Variants in ADAMTS5 observed in about 807,000 individuals in gnomAD.
The protein encoded by ADAMTS5 is ADAM metallopeptidase with thrombospondin type 1 motif 5.
ADAMTS5 carries 54 observed loss-of-function variants against 81.4 expected under a neutral mutation model. That is an observed-to-expected ratio of 0.66 (90% CI 0.53 to 0.83). ADAMTS5 has a LOEUF of 0.83. Among genes scored for constraint, ADAMTS5 ranks in the 40% least tolerant of loss-of-function variants. The probability of loss-of-function intolerance (pLI) is 0.00; values close to 1 mark genes in which losing one functional copy is unlikely to be tolerated. For missense variants in ADAMTS5, 1,194 were observed against 1,229.9 expected (o/e 0.97, Z 0.44); for synonymous variants, 532 against 508.8 (o/e 1.05, Z -0.61).
intron 1 of ADAMTS5, among the ~76,000 whole-genome samples, chr21:26,961,061 C>A (rs925899738): frequency 6.6e-6 from 1 of 152,174 alleles, no homozygotes. Context: ...ATCTCTGAAT[C>A]CCTCCTTGCC....
At position 26,929,951 on chromosome 21, in the gene ADAMTS5, C is replaced by T; in HGVS notation, c.2160G>A (p.Lys720=). The T allele has an allele frequency of 6.2e-7, 1 of 1,614,184 alleles. No individual in the cohort carries two copies. Among genetic ancestry groups the T allele is most frequent in the Non-Finnish European group, 8.5e-7 (1 of 1,180,006 alleles). ...AGTTGTCTCCTCCACATACTCCGCA[C>T]TTGTCATACTGCAGCTTTGAGCCAA... The part of the protein sequence containing the change: ...GIIGSKLQYD[K]CGVCGGDNSS... The change falls in exon 7 of 8, where the codon AAG becomes AAA. Residue 720 remains lysine (K), a synonymous_variant. Transcript: ENST00000284987.
At chr21:26,953,453 C>T (rs968647482) in intron 2 of ADAMTS5, among the ~76,000 whole-genome samples, 1 of 152,158 alleles carries the variant, frequency 6.6e-6, no homozygotes, top group African/African-American at 2.4e-5. Context: ...TTCTGTTTTA[C>T]TGCGGCAATA....
At chr21:26,940,541 C>T (rs1421694231) in intron 3 of ADAMTS5, among the ~76,000 whole-genome samples, 1 of 152,028 alleles carries the variant, frequency 6.6e-6, no homozygotes, top group Admixed American at 6.6e-5. Flanking sequence ...TTCTTGTTCT[C>T]AGATTACCTG....
At position 26,919,935 on chromosome 21, in the gene ADAMTS5, C is replaced by A. The variant is rs1986659029; in HGVS notation, c.*4118G>T. 1 of 151,966 alleles carries A rather than the reference C, an allele frequency of 6.6e-6. No homozygotes were observed. Among genetic ancestry groups the A allele is most frequent in the African/African-American group, 2.4e-5 (1 of 41,366 alleles). The allele number at this position is 151,966 out of a possible 1,614,324, so 9.4% of individuals were successfully genotyped here. A position where few individuals can be genotyped will look rare whatever the true frequency, so the allele number is the denominator to read the frequency against. On this transcript the variant is annotated 3_prime_UTR_variant, in exon 8 of 8. Coordinates refer to ENST00000284987, the MANE Select transcript of ADAMTS5 (RefSeq NM_007038.5). Reference sequence around the variant, plus strand: ...TGGTTCTATTAAAGCTTTAAATGACCATTTCTGTACACATGGCTATTTCAT... The same window carrying A: ...TGGTTCTATTAAAGCTTTAAATGACAATTTCTGTACACATGGCTATTTCAT...
intron 6 of ADAMTS5, among the ~76,000 whole-genome samples, chr21:26,930,975 T>C (rs1382740983): frequency 6.6e-6 from 1 of 152,198 alleles, no homozygotes; most frequent in Non-Finnish European, 1.5e-5. Flanking sequence ...AAACATGAGC[T>C]TTAAAAAATT....
chr21:26,960,687 C>T (rs162502), intron 1 of ADAMTS5, among the ~76,000 whole-genome samples: 31,687 of 152,164 alleles, frequency 0.21, 4,294 homozygotes, highest in East Asian at 0.52. Flanking sequence ...AGACATACTT[C>T]GGTGGTTAAA....
intron 3 of ADAMTS5, among the ~76,000 whole-genome samples, chr21:26,938,372 G>A (rs1987053870): frequency 6.6e-6 from 1 of 152,112 alleles, no homozygotes; most frequent in African/African-American, 2.4e-5. Context: ...GTTGTGATTT[G>A]AGGCGAACCA....
intron 3 of ADAMTS5, among the ~76,000 whole-genome samples, chr21:26,940,401 T>A (rs531404521): frequency 3.7e-4 from 56 of 152,314 alleles, no homozygotes; most frequent in African/African-American, 1.3e-3. Context: ...CATGCTGAAA[T>A]ATAGCACTAA....
chr21:26,943,432 G>T lies in ADAMTS5; in HGVS notation c.1353C>A (p.Pro451=), dbSNP rs765064681. The change falls in exon 3 of 8, where the codon CCC becomes CCA. Residue 451 remains proline (P), a synonymous_variant. Transcript: ENST00000284987. The part of the protein sequence containing the change: ...SILTSIDASK[P]WSKCTSATIT... ...TGGTGGCTGAAGTGCATTTGGACCA[G>T]GGCTTAGATGCATCAATGCTGGTAA... 9 of 1,613,518 alleles carry T rather than the reference G, an allele frequency of 5.6e-6. No individual in the cohort carries two copies. The African/African-American group carries it at 1.1e-4, about 19-fold the overall frequency.
Position 26,923,772 on chromosome 21 carries a change from C to T in ADAMTS5, c.*281G>A. 2.9e-6 allele frequency: 1 copy of T among 344,234 alleles called. No homozygotes were observed. The highest frequency in any genetic ancestry group is 5.4e-6 in the Non-Finnish European group (1 of 186,758). The allele number at this position is 344,234 out of a possible 1,614,324, so 21.3% of individuals were successfully genotyped here. On this transcript the variant is annotated 3_prime_UTR_variant, in exon 8 of 8. Coordinates refer to ENST00000284987, the MANE Select transcript of ADAMTS5 (RefSeq NM_007038.5). ...GACAAGGGGGAGACAGTTCTGCCAT[C>T]TTCAAATGTCCCCTGATTTTACATT...
At chr21:26,938,475 G>C (rs1171924442) in intron 3 of ADAMTS5, among the ~76,000 whole-genome samples, 1 of 152,182 alleles carries the variant, frequency 6.6e-6, no homozygotes, top group Non-Finnish European at 1.5e-5. Flanking sequence ...AGTTTCATAT[G>C]TCTGACTTAT....
chr21:26,945,739 A>G (rs1287411134), intron 2 of ADAMTS5, among the ~76,000 whole-genome samples: 1 of 152,212 alleles, frequency 6.6e-6, no homozygotes, highest in Non-Finnish European at 1.5e-5. Flanking sequence ...TTGGAATACT[A>G]GTTAATATAA....
At chr21:26,965,011 AC>A (rs987962019) in intron 1 of ADAMTS5, among the ~76,000 whole-genome samples, 3 of 152,200 alleles carry the variant, frequency 2.0e-5, no homozygotes, top group African/African-American at 7.2e-5. Context: ...TCTTATGTTT[AC>A]GTTCCTATGC....
intron 1 of ADAMTS5, among the ~76,000 whole-genome samples, chr21:26,956,932 A>T (rs539766917): frequency 6.6e-6 from 1 of 152,292 alleles, no homozygotes; most frequent in East Asian, 1.9e-4. Context: ...TTGCCACGGA[A>T]ATGTGACAAA....
rs947891810 is a variant in ADAMTS5 at position 26,920,200 on chromosome 21, T to C, written c.*3853A>G. ...CCTCACCTGAACCATTAAAATGACC[T>C]TGTTAACAAGGAAGGAATCAATGGG... On this transcript the variant is annotated 3_prime_UTR_variant, in exon 8 of 8. Transcript: ENST00000284987. 4 of 152,100 alleles carry C rather than the reference T, an allele frequency of 2.6e-5. No homozygotes were observed. Among genetic ancestry groups the C allele is most frequent in the African/African-American group, 9.7e-5 (4 of 41,434 alleles). The allele number at this position is 152,100 out of a possible 1,614,324, so 9.4% of individuals were successfully genotyped here.
chr21:26,936,184 A>G (rs1987010435), intron 3 of ADAMTS5, among the ~76,000 whole-genome samples: 1 of 152,182 alleles, frequency 6.6e-6, no homozygotes. Flanking sequence ...TAAGTGGTAG[A>G]TATTGAGCTT....
chr21:26,917,959 A>G lies in ADAMTS5; in HGVS notation c.*6094T>C, dbSNP rs1986613401. 6.6e-6 allele frequency: 1 copy of G among 152,030 alleles called. No homozygotes were observed. The highest frequency in any genetic ancestry group is 2.1e-4 in the South Asian group (1 of 4,832). 9.4% of individuals were successfully genotyped at this position (152,030 alleles called of 1,614,324 possible). ...TATATTTATTATGCCCACTGAACCC[A>G]CAAAAGCAGTGTTTAATTTTACAGT... On this transcript the variant is annotated 3_prime_UTR_variant, in exon 8 of 8. Transcript: ENST00000284987.
chr21:26,959,022 A>G (rs1987478176), intron 1 of ADAMTS5, among the ~76,000 whole-genome samples: 1 of 152,186 alleles, frequency 6.6e-6, no homozygotes, highest in South Asian at 2.1e-4. Flanking sequence ...TGTTGAGCAG[A>G]GGGCTAGCAG....
chr21:26,943,452 T>C lies in ADAMTS5; in HGVS notation c.1333A>G (p.Ser445Gly), dbSNP rs1295681045. The part of the protein sequence containing the change: ...DKRLMSSILT[S>G]IDASKPWSKC... ...GACCAGGGCTTAGATGCATCAATGCTGGTAAGGATGGAAGACATTAAGCGC... is the reference window on the plus strand; with the variant it reads ...GACCAGGGCTTAGATGCATCAATGCCGGTAAGGATGGAAGACATTAAGCGC... The change falls in exon 3 of 8, where the codon AGC (serine) becomes GGC (glycine). Residue 445 changes from serine (S) to glycine (G), a missense_variant. Ser to Gly is a moderately conservative substitution (Grantham distance 56). Around this residue, in one of 2 missense-constraint regions of ADAMTS5, gnomAD observed 696 missense variants for 817.6 expected, o/e 0.85. Coordinates refer to ENST00000284987, the MANE Select transcript of ADAMTS5 (RefSeq NM_007038.5). 1.2e-6 allele frequency: 2 copies of C among 1,613,758 alleles called. No individual in the cohort carries two copies. Among genetic ancestry groups the C allele is most frequent in the Non-Finnish European group, 8.5e-7 (1 of 1,179,774 alleles).
Sources: gnomAD v4.1 joint callset for allele counts (sites outside exome capture counted in the v4.1 genomes callset) on GRCh38, gnomAD v4.1.1 for gene constraint, gnomAD v4.1.1 regional missense constraint, MANE v1.5 for transcripts, NCBI Gene and HGNC (gene_info 2026-07-23, HGNC 2026-07-21) for gene names.